The following LAMA5 variants were observed in gnomAD, a reference collection of about 807,000 sequenced individuals.
LAMA5 encodes the protein laminin subunit alpha 5.
Under a neutral mutation model 433.4 loss-of-function variants are expected in LAMA5, and 260 were observed. That is an observed-to-expected ratio of 0.60 (90% CI 0.54 to 0.66). The LOEUF is 0.66. Among genes scored for constraint, LAMA5 ranks in the 30% least tolerant of loss-of-function variants. The probability of loss-of-function intolerance (pLI) is 0.00; values close to 1 mark genes in which losing one functional copy is unlikely to be tolerated. For missense variants in LAMA5, 5,378 were observed against 5,258.5 expected (o/e 1.02, Z -0.70); for synonymous variants, 2,620 against 2,226.6 (o/e 1.18, Z -4.97).
intron 57 of LAMA5, 99 bp from the exon 58 acceptor site, chr20:62,316,157 A>C: frequency 1.3e-6 from 1 of 763,822 alleles, no homozygotes. Context: ...CAAGGCTGAC[A>C]CACAGCAGAC....
intron 32 of LAMA5, 142 bp downstream of exon 32, chr20:62,329,635 C>T: frequency 9.2e-7 from 1 of 1,090,144 alleles, no homozygotes; most frequent in East Asian, 2.6e-5. Flanking sequence ...CGGGAGGTCC[C>T]CAAAGGCAGG....
At chr20:62,321,043 T>TTCTGGCAGAGTCATAGGG (rs1210094961) in intron 48 of LAMA5, among the ~76,000 whole-genome samples, 153 bp from the exon 49 acceptor site, 1 of 150,998 alleles carries the variant, frequency 6.6e-6, no homozygotes, top group Non-Finnish European at 1.5e-5. Flanking sequence ...GGTCCCAGAG[T>TTCTGGCAGAGTCATAGGG]TCTGGCAGAG....
chr20:62,342,696 C>CAAAAAAACA (rs1982787495), intron 11 of LAMA5, among the ~76,000 whole-genome samples: 1 of 145,732 alleles, frequency 6.9e-6, no homozygotes, highest in South Asian at 2.1e-4. Context: ...AACAAAAAAA[C>CAAAAAAACA]AAAAAAAAAA....
intron 40 of LAMA5, chr20:62,326,437 CCCCT>C: frequency 2.0e-6 from 1 of 496,070 alleles, no homozygotes; most frequent in Non-Finnish European, 3.6e-6. Flanking sequence ...CAGCTGCTCA[CCCCT>C]CAGGGATCAG....
rs45505291 is a variant in LAMA5 at position 62,326,819 on chromosome 20, G to A, written c.5214+46C>T. 72,550 of 1,598,280 alleles carry A rather than the reference G, an allele frequency of 0.045. 2,018 individuals are homozygous for A. The highest frequency in any genetic ancestry group is 0.056 in the Non-Finnish European group (65,223 of 1,167,182). On this transcript the variant is annotated intron_variant, in intron 39 of 79. Transcript: ENST00000252999. ...CGGGCCTGGACCACGGTGCCACTGCGCCACGCCCACCCAACCACCCTGCCA... is the reference window on the plus strand; with the variant it reads ...CGGGCCTGGACCACGGTGCCACTGCACCACGCCCACCCAACCACCCTGCCA...
chr20:62,361,927 C>T (rs902978435), intron 2 of LAMA5, among the ~76,000 whole-genome samples: 9 of 152,174 alleles, frequency 5.9e-5, no homozygotes, highest in Admixed American at 6.5e-5. Context: ...AGCAGGCACC[C>T]GACCCCACCT....
Position 62,309,438 on chromosome 20 carries a change from G to C in LAMA5, c.10986C>G (p.Cys3662Trp). Residue 3662 changes from cysteine (C) to tryptophan (W), a missense_variant, in exon 80 of 80, where the codon TGC becomes TGG. Transcript: ENST00000252999. Reference sequence around the variant, plus strand: ...TCACCGCCAGCCTCCTCATGCAGCCGCAGTAGGCGGGGGGCCAGGGCTGCA... The same window carrying C: ...TCACCGCCAGCCTCCTCATGCAGCCCCAGTAGGCGGGGGGCCAGGGCTGCA... ...MAVQPWPPAY[C>W]GCMRRLAVNR... is the part of the protein sequence containing the mutation. 6.3e-7 allele frequency: 1 copy of C among 1,583,848 alleles called. No homozygotes were observed. Among genetic ancestry groups the C allele is most frequent in the South Asian group, 1.1e-5 (1 of 87,874 alleles).
chr20:62,317,837 G>A (rs894300472), intron 53 of LAMA5, 59 bp from the exon 54 acceptor site: 1 of 826,874 alleles, frequency 1.2e-6, no homozygotes, highest in Non-Finnish European at 1.7e-6. Context: ...TAAAGGATGT[G>A]ATGGGGTGGA....
In LAMA5 at chr20:62,338,015, C is replaced by G; in HGVS notation, c.1891+1G>C. 1 of 1,596,252 alleles carries G rather than the reference C, an allele frequency of 6.3e-7. No individual in the cohort carries two copies. Among genetic ancestry groups the G allele is most frequent in the Non-Finnish European group, 8.6e-7 (1 of 1,169,260 alleles). On this transcript the variant is annotated splice_donor_variant, in intron 14 of 79. Transcript: ENST00000252999. LOFTEE classifies it high-confidence loss of function. ...CCTTCCTGCCCTGACCCTCTGCTCA[C>G]CTTGGCAGTTGGGGAAACCATGGTA...
At chr20:62,344,885 T>C (rs1341414037) in intron 11 of LAMA5, among the ~76,000 whole-genome samples, 1 of 152,196 alleles carries the variant, frequency 6.6e-6, no homozygotes, top group Non-Finnish European at 1.5e-5. Flanking sequence ...ACAATGTGTT[T>C]ACAGGATTGT....
rs763121557 is a variant in LAMA5 at position 62,318,561 on chromosome 20, C to G, written c.7132G>C (p.Glu2378Gln). Residue 2378 changes from glutamate to glutamine, a missense_variant, in exon 53 of 80, where the codon GAG (glutamate) becomes CAG (glutamine). Coordinates refer to ENST00000252999, the MANE Select transcript of LAMA5 (RefSeq NM_005560.6). ...TCTCGCAGGTCCATGAGGCCGGCCTCGTGCTGGGCCAGCCGGTCGCGGGTT... is the reference window on the plus strand; with the variant it reads ...TCTCGCAGGTCCATGAGGCCGGCCTGGTGCTGGGCCAGCCGGTCGCGGGTT... ...TQTRDRLAQHEAGLMDLREAL... is the reference protein window; with the variant it reads ...TQTRDRLAQHQAGLMDLREAL... 4 of 1,610,294 alleles carry G rather than the reference C, an allele frequency of 2.5e-6. No homozygotes were observed. The East Asian group carries it at 8.9e-5, about 36-fold the overall frequency.
At chr20:62,315,284 G>A in intron 58 of LAMA5, 77 bp from the exon 59 acceptor site, 1 of 1,315,698 alleles carries the variant, frequency 7.6e-7, no homozygotes, top group African/African-American at 1.5e-5. Flanking sequence ...TCTTTCTGTT[G>A]GGCCAGCAAC....
In LAMA5 at chr20:62,359,621, C is replaced by G. The variant is rs779093408; in HGVS notation, c.450+2779G>C. 6.6e-6 allele frequency among the ~76,000 whole-genome samples: 1 copy of G among 152,092 alleles called. No homozygotes were observed. The highest frequency in any genetic ancestry group is 2.4e-5 in the African/African-American group (1 of 41,408). On this transcript the variant is annotated intron_variant, in intron 2 of 79. Coordinates refer to ENST00000252999, the MANE Select transcript of LAMA5 (RefSeq NM_005560.6). This position sits in a 1 kb window ranked among gnomAD's most constrained non-coding sequence, Gnocchi z 4.3. Reference sequence around the variant, plus strand: ...TAGAAGGACCCCCTGGGGAAGGTCACGTCTGGAACTCGGAAACTGCCCCCT... The same window carrying G: ...TAGAAGGACCCCCTGGGGAAGGTCAGGTCTGGAACTCGGAAACTGCCCCCT...
At chr20:62,357,946 G>A (rs955885174) in intron 2 of LAMA5, among the ~76,000 whole-genome samples, 3 of 152,260 alleles carry the variant, frequency 2.0e-5, no homozygotes, top group African/African-American at 7.2e-5. Flanking sequence ...GTCAGCCGGG[G>A]ACACAGGAAG....
chr20:62,364,605 C>T (rs190264872), intron 1 of LAMA5, among the ~76,000 whole-genome samples: 79 of 152,276 alleles, frequency 5.2e-4, no homozygotes, highest in Middle Eastern at 3.4e-3. Context: ...GCAGAAGGGC[C>T]GATAAGGACT....
chr20:62,333,805 CAT>C (rs1980980893), intron 23 of LAMA5, 94 bp downstream of exon 23: 4 of 1,427,454 alleles, frequency 2.8e-6, no homozygotes, highest in Non-Finnish European at 3.7e-6. Flanking sequence ...CTACCACCCA[CAT>C]GAGCCAGAGG....
rs79319629 is a variant in LAMA5 at position 62,335,068 on chromosome 20, T to G, written c.2435A>C (p.Lys812Thr). The change falls in exon 20 of 80, where the codon AAG becomes ACG. Residue 812 changes from lysine to threonine, a missense_variant. Physicochemically the swap from Lys to Thr is moderately conservative, Grantham distance 78. Transcript: ENST00000252999. ...CTGATCCAGTCCAAAGAAGCCATCCTTGCAGGACGCGCAGGCCTGGCCGCA... is the reference window on the plus strand; with the variant it reads ...CTGATCCAGTCCAAAGAAGCCATCCGTGCAGGACGCGCAGGCCTGGCCGCA... ...HVCGQACASC[K>T]DGFFGLDQAD... 0.026 allele frequency: 41,937 copies of G among 1,612,958 alleles called. 654 individuals carry two copies. The highest frequency in any genetic ancestry group is 0.029 in the Non-Finnish European group (34,725 of 1,179,684).
chr20:62,310,410 C>T lies in LAMA5; in HGVS notation c.10600+9G>A. On this transcript the variant is annotated intron_variant, in intron 76 of 79. Coordinates refer to ENST00000252999, the MANE Select transcript of LAMA5 (RefSeq NM_005560.6). ...CCTGCTGAGGCCTGGGATGCCAGCACCCACAGACCTAAAGTGATAACTCCC... is the reference window on the plus strand; with the variant it reads ...CCTGCTGAGGCCTGGGATGCCAGCATCCACAGACCTAAAGTGATAACTCCC... 1 of 1,594,974 alleles carries T rather than the reference C, an allele frequency of 6.3e-7. No individual in the cohort carries two copies. Among genetic ancestry groups the T allele is most frequent in the Non-Finnish European group, 8.5e-7 (1 of 1,172,976 alleles).
At position 62,333,561 on chromosome 20, in the gene LAMA5, C is replaced by T. The variant is rs778005624; in HGVS notation, c.3021+3G>A. On this transcript the variant is annotated splice_donor_region_variant and intron_variant, in intron 24 of 79. Transcript: ENST00000252999. ...CCAGCCCTCACTCTGGCCCCTGCCT[C>T]ACCAGGAGCACCCCTTCGGCCTCCA... The T allele has an allele frequency of 6.4e-7, 1 of 1,565,334 alleles. No homozygotes were observed. The highest frequency in any genetic ancestry group is 8.7e-7 in the Non-Finnish European group (1 of 1,155,126).
Sources: gnomAD v4.1 joint callset for allele counts (sites outside exome capture counted in the v4.1 genomes callset) on GRCh38, gnomAD v4.1.1 for gene constraint, Gnocchi (gnomAD v3.1) non-coding constraint, MANE v1.5 for transcripts, NCBI Gene and HGNC (gene_info 2026-07-23, HGNC 2026-07-21) for gene names.